SGCE: variants seen among roughly 807,000 people sequenced by gnomAD.
The protein encoded by SGCE is sarcoglycan epsilon.
Under a neutral mutation model 57.8 loss-of-function variants are expected in SGCE, and 26 were observed. The ratio of observed to expected loss-of-function variants is 0.45; its 90% CI spans 0.33 to 0.62. SGCE has a LOEUF of 0.62. Ranked by LOEUF, SGCE falls within the 20% of genes least tolerant of loss-of-function variation. The pLI, the probability that SGCE is intolerant of heterozygous loss-of-function variation, is 0.02. For synonymous variants in SGCE, 183 were observed against 189.5 expected (o/e 0.97, Z 0.28); for missense variants, 468 against 548.6 (o/e 0.85, Z 1.47).
intron 1 of SGCE, among the ~76,000 whole-genome samples, chr7:94,651,521 T>C (rs1807868488): frequency 6.6e-6 from 1 of 152,208 alleles, no homozygotes; most frequent in Admixed American, 6.5e-5. Flanking sequence ...CACCACCTCA[T>C]ACACAAGAGC....
chr7:94,608,769 A>G (rs997201152), intron 5 of SGCE, among the ~76,000 whole-genome samples: 4 of 152,250 alleles, frequency 2.6e-5, no homozygotes, highest in African/African-American at 9.6e-5. Context: ...ATAGACCCAC[A>G]TAAATCTATT....
At chr7:94,595,938 G>A (rs1022653780) in intron 9 of SGCE, among the ~76,000 whole-genome samples, 2 of 152,048 alleles carry the variant, frequency 1.3e-5, no homozygotes, top group South Asian at 2.1e-4. Context: ...TGAGTCAGAC[G>A]CACTTGATGA....
chr7:94,585,854 C>T (rs907881175), intron 10 of SGCE, among the ~76,000 whole-genome samples: 1 of 151,650 alleles, frequency 6.6e-6, no homozygotes, highest in Non-Finnish European at 1.5e-5. Context: ...AAAAAAATAT[C>T]ATGTGGGCTG....
intron 5 of SGCE, among the ~76,000 whole-genome samples, chr7:94,610,260 G>A (rs1036115413): frequency 3.9e-5 from 6 of 152,168 alleles, no homozygotes; most frequent in Non-Finnish European, 7.4e-5. Context: ...AAACTACTCT[G>A]TATGATACTA....
At chr7:94,621,474 G>A (rs1030458761) in intron 4 of SGCE, 1 of 152,144 alleles carries the variant, frequency 6.6e-6, no homozygotes, top group African/African-American at 2.4e-5. Context: ...GTATCTACTT[G>A]ACCACAGGTC....
chr7:94,615,568 C>T (rs1237860918), intron 5 of SGCE, among the ~76,000 whole-genome samples: 1 of 152,088 alleles, frequency 6.6e-6, no homozygotes, highest in East Asian at 1.9e-4. Context: ...CTCACTGAGG[C>T]CTTTGACATA....
chr7:94,602,738 T>C (rs1799470434), intron 6 of SGCE, among the ~76,000 whole-genome samples: 1 of 152,182 alleles, frequency 6.6e-6, no homozygotes, highest in Admixed American at 6.5e-5. Context: ...TTCCTAAATC[T>C]GTTAACATGC....
chr7:94,629,692 G>C, intron 2 of SGCE, 27 bp downstream of exon 2: 1 of 1,608,616 alleles, frequency 6.2e-7, no homozygotes, highest in Admixed American at 1.7e-5. Context: ...TACGTTAACT[G>C]CTTTTTTTTC....
At chr7:94,603,734 A>G (rs910424712) in intron 5 of SGCE, among the ~76,000 whole-genome samples, 2 of 151,880 alleles carry the variant, frequency 1.3e-5, no homozygotes, top group African/African-American at 2.4e-5. Context: ...TTTTCATTCA[A>G]TATAAACATG....
intron 10 of SGCE, chr7:94,587,073 C>T (rs941841230): frequency 1.0e-6 from 1 of 984,828 alleles, no homozygotes; most frequent in Non-Finnish European, 1.2e-6. Context: ...AAGCAAAATA[C>T]CTGCTCCCTA....
At chr7:94,636,682 T>G (rs1286758457) in intron 1 of SGCE, among the ~76,000 whole-genome samples, 1 of 152,222 alleles carries the variant, frequency 6.6e-6, no homozygotes, top group African/African-American at 2.4e-5. Flanking sequence ...TACTGGGTGC[T>G]GAGGTAGAAT....
At chr7:94,630,159 A>G (rs1344138443) in intron 1 of SGCE, among the ~76,000 whole-genome samples, 1 of 151,936 alleles carries the variant, frequency 6.6e-6, no homozygotes, top group African/African-American at 2.4e-5. Context: ...ATTTCTTTTT[A>G]CTTGAAGTTA....
chr7:94,613,430 A>C, intron 5 of SGCE, among the ~76,000 whole-genome samples: 1 of 152,196 alleles, frequency 6.6e-6, no homozygotes, highest in Non-Finnish European at 1.5e-5. Flanking sequence ...TCAAATTTCA[A>C]ATGTGTATAA....
At chr7:94,641,624 G>A (rs1806388970) in intron 1 of SGCE, among the ~76,000 whole-genome samples, 1 of 152,114 alleles carries the variant, frequency 6.6e-6, no homozygotes, top group Non-Finnish European at 1.5e-5. Flanking sequence ...ACAGTTAGTG[G>A]AGTATAGCAA....
chr7:94,600,807 C>T lies in SGCE; in HGVS notation c.876G>A (p.Glu292=), dbSNP rs1419796748. ...ATTCTCCACCATCAGGTAAAATCCCCTCTCCACGAATCACTTCCTGATAGG... is the reference window on the plus strand; with the variant it reads ...ATTCTCCACCATCAGGTAAAATCCCTTCTCCACGAATCACTTCCTGATAGG... ...VSTYQEVIRG[E]GILPDGGEYK... is the part of the protein sequence containing the mutation. Residue 292 remains glutamate (E), a synonymous_variant, in exon 7 of 11, where the codon GAG becomes GAA. Coordinates refer to ENST00000648936, the MANE Select transcript of SGCE (RefSeq NM_003919.3). 3 of 1,613,008 alleles carry T rather than the reference C, an allele frequency of 1.9e-6. No individual in the cohort carries two copies. The highest frequency in any genetic ancestry group is 2.5e-6 in the Non-Finnish European group (3 of 1,179,732).
At chr7:94,654,892 G>A (rs1397500907) in intron 1 of SGCE, among the ~76,000 whole-genome samples, 1 of 152,148 alleles carries the variant, frequency 6.6e-6, no homozygotes, top group African/African-American at 2.4e-5. Flanking sequence ...ACTTAAACTT[G>A]TTTTACTAAG....
At position 94,587,901 on chromosome 7, in the gene SGCE, A is replaced by G. The variant is rs983906521; in HGVS notation, c.1297+788T>C. 1.1e-5 allele frequency: 17 copies of G among 1,489,584 alleles called. No individual in the cohort carries two copies. In the East Asian group the frequency reaches 4.5e-4, roughly 40 times the overall value. 92.3% of individuals were successfully genotyped at this position (1,489,584 alleles called of 1,614,324 possible). On this transcript the variant is annotated intron_variant, in intron 10 of 10. Transcript: ENST00000648936. ...TGAATGTGCCTGAAGTTTTTAAGAG[A>G]CTTACTTAATAGTTTCCCTACCACA...
At chr7:94,605,261 T>C (rs1473393884) in intron 5 of SGCE, among the ~76,000 whole-genome samples, 1 of 152,098 alleles carries the variant, frequency 6.6e-6, no homozygotes, top group Non-Finnish European at 1.5e-5. Context: ...AAAGTGAAAC[T>C]ACTTTGCAAG....
intron 5 of SGCE, among the ~76,000 whole-genome samples, chr7:94,616,281 T>C (rs528663350): frequency 6.6e-6 from 1 of 152,264 alleles, no homozygotes; most frequent in South Asian, 2.1e-4. Flanking sequence ...ATATGAAATA[T>C]GAAAAATTTT....
Sources: gnomAD v4.1 joint callset for allele counts (sites outside exome capture counted in the v4.1 genomes callset) on GRCh38, gnomAD v4.1.1 for gene constraint, MANE v1.5 for transcripts, NCBI Gene and HGNC (gene_info 2026-07-23, HGNC 2026-07-21) for gene names.